Variants in UGT1A9 observed in about 807,000 individuals in gnomAD.
UGT1A9 encodes UDP-glucuronosyltransferase 1A9.
In UGT1A9, 35 loss-of-function variants were observed where a neutral mutation model predicts 45.0. The observed-to-expected ratio is 0.78, with a 90% CI of 0.59 to 1.03. The LOEUF (loss-of-function observed/expected upper bound fraction) is 1.03, where lower values mean the gene tolerates loss of function less well. Among genes scored for constraint, UGT1A9 ranks in the 50% least tolerant of loss-of-function variants. UGT1A9 has a pLI of 0.00. For synonymous variants in UGT1A9, 278 were observed against 250.6 expected, an observed-to-expected ratio of 1.11 and a Z score of -1.03; for missense variants, 687 against 666.6, an observed-to-expected ratio of 1.03 and a Z score of -0.34.
intron 1 of UGT1A9, among the ~76,000 whole-genome samples, chr2:233,677,810 A>C (rs988089619): frequency 3.9e-5 from 6 of 152,244 alleles, no homozygotes. Flanking sequence ...CATTCGACCC[A>C]GCAATCCCAT....
chr2:233,728,996 G>T, intron 1 of UGT1A9: 1 of 1,557,110 alleles, frequency 6.4e-7, no homozygotes, highest in East Asian at 2.3e-5. Context: ...TTAACTAGAG[G>T]AGGGCACTCT....
rs1377408060 is a variant in UGT1A9, at chr2:233,769,430, CTCA to C, written c.1295+993_1295+995del. Reference sequence around the variant, plus strand: ...GTGTGCGTTTGTGCATGTGGCTGTGCTCATGTGTGGGTGCACACGTGTGCATTC... The same window carrying C: ...GTGTGCGTTTGTGCATGTGGCTGTGCTGTGTGGGTGCACACGTGTGCATTC... On this transcript the variant is annotated intron_variant, in intron 4 of 4. Transcript: ENST00000354728. This position sits in a 1 kb window ranked among gnomAD's most constrained non-coding sequence, Gnocchi z 4.4. 42 of 1,537,292 alleles carry C rather than the reference CTCA, an allele frequency of 2.7e-5. No homozygotes were observed. The highest frequency in any genetic ancestry group is 3.7e-5 in the Non-Finnish European group (41 of 1,118,590).
chr2:233,751,665 G>A (rs1281035345), intron 1 of UGT1A9, among the ~76,000 whole-genome samples: 6 of 152,196 alleles, frequency 3.9e-5, no homozygotes, highest in African/African-American at 1.4e-4. Context: ...TACTGAGTGA[G>A]TTCTAATGAG....
chr2:233,718,011 C>T (rs889602207), intron 1 of UGT1A9: 3 of 401,954 alleles, frequency 7.5e-6, no homozygotes, highest in African/African-American at 6.2e-5. Flanking sequence ...TGAGGCCAGG[C>T]TCCAGCTCCC....
Position 233,772,408 on chromosome 2 carries a change from A to C in UGT1A9, c.1442A>C (p.Tyr481Ser), listed in dbSNP as rs1700517999. 1 of 1,614,210 alleles carries C rather than the reference A, an allele frequency of 6.2e-7. No individual in the cohort carries two copies. Among genetic ancestry groups the C allele is most frequent in the Non-Finnish European group, 8.5e-7 (1 of 1,180,026 alleles). ...CCCGCAGCCCACGACCTCACCTGGT[A>C]CCAGTACCATTCCTTGGACGTGATT... is the stretch of plus-strand genomic sequence containing the variant. ...LRPAAHDLTWYQYHSLDVIGF... is the reference protein window; with the variant it reads ...LRPAAHDLTWSQYHSLDVIGF... Residue 481 changes from tyrosine (Y) to serine (S), a missense_variant, in exon 5 of 5, where the codon TAC becomes TCC. Physicochemically the swap from Tyr to Ser is moderately radical, Grantham distance 144 (BLOSUM62 -2). Transcript: ENST00000354728.
chr2:233,729,743 C>T (rs748913597), intron 1 of UGT1A9: 1 of 1,613,994 alleles, frequency 6.2e-7, no homozygotes, highest in Non-Finnish European at 8.5e-7. Context: ...GACCACATGA[C>T]ATTCATGCAA....
intron 1 of UGT1A9, among the ~76,000 whole-genome samples, chr2:233,677,942 A>G (rs2074404186): frequency 6.6e-6 from 1 of 152,242 alleles, no homozygotes; most frequent in Non-Finnish European, 1.5e-5. Context: ...ACAGTGGCTT[A>G]GATGAAGAAA....
At chr2:233,723,643 A>G in intron 1 of UGT1A9, among the ~76,000 whole-genome samples, 1 of 102,338 alleles carries the variant, frequency 9.8e-6, no homozygotes, top group Non-Finnish European at 1.9e-5. Context: ...AAGTGAACAA[A>G]GGTCTCTGGT....
chr2:233,682,062 A>G lies in UGT1A9; in HGVS notation c.855+9273A>G, dbSNP rs754287322. 11 of 1,614,008 alleles carry G rather than the reference A, an allele frequency of 6.8e-6. No individual in the cohort carries two copies. In the African/African-American group the frequency reaches 1.1e-4, roughly 16 times the overall value. ...GATGGGAGCCACTGGTTCACCATGC[A>G]GTCGGTGGTGGAGAAACTCATCCTC... On this transcript the variant is annotated intron_variant, in intron 1 of 4. Transcript: ENST00000354728.
chr2:233,772,588 TG>T lies in UGT1A9; in HGVS notation c.*30del, dbSNP rs774491304. The T allele has an allele frequency of 1.9e-6, 3 of 1,604,040 alleles. No homozygotes were observed. The South Asian group carries it at 3.3e-5, about 18-fold the overall frequency. On this transcript the variant is annotated 3_prime_UTR_variant, in exon 5 of 5. Transcript: ENST00000354728. ...GTGGGTGGGAAATAAGGTAAAATTT[TG>T]AACCATTCCCTAGTCATTTCCAAAC...
intron 1 of UGT1A9, among the ~76,000 whole-genome samples, chr2:233,673,788 G>A (rs2074265390): frequency 6.6e-6 from 1 of 151,982 alleles, no homozygotes; most frequent in Admixed American, 6.6e-5. Context: ...TATGTATCTT[G>A]TATCCAGCCA....
intron 1 of UGT1A9, among the ~76,000 whole-genome samples, chr2:233,680,284 A>G (rs1253701804): frequency 6.6e-6 from 1 of 152,182 alleles, no homozygotes; most frequent in Non-Finnish European, 1.5e-5. Flanking sequence ...ACCATAAGAG[A>G]TCATTTTTTA....
At chr2:233,746,611 C>A (rs1265902828) in intron 1 of UGT1A9, among the ~76,000 whole-genome samples, 1 of 151,736 alleles carries the variant, frequency 6.6e-6, no homozygotes. Context: ...GTTCACCTGA[C>A]CCCTCCTTTC....
At chr2:233,725,207 GGCAGA>G (rs1192113071) in intron 1 of UGT1A9, among the ~76,000 whole-genome samples, 1 of 92,368 alleles carries the variant, frequency 1.1e-5, no homozygotes, top group African/African-American at 8.4e-5. Context: ...CAGAGGCAGA[GGCAGA>G]GGCAGAGGAG....
intron 1 of UGT1A9, among the ~76,000 whole-genome samples, chr2:233,744,817 A>G (rs1304703196): frequency 6.6e-6 from 1 of 151,914 alleles, no homozygotes; most frequent in East Asian, 1.9e-4. Flanking sequence ...TTCCTGGCTC[A>G]TACTTTGAGA....
chr2:233,736,247 TA>T (rs1432659624), intron 1 of UGT1A9, among the ~76,000 whole-genome samples: 1 of 152,216 alleles, frequency 6.6e-6, no homozygotes, highest in Non-Finnish European at 1.5e-5. Context: ...CTTCTCACTT[TA>T]TTTCATTAAT....
intron 1 of UGT1A9, chr2:233,744,085 T>A: frequency 2.3e-6 from 1 of 436,802 alleles, no homozygotes; most frequent in Non-Finnish European, 3.9e-6. Flanking sequence ...CATCCCAAGA[T>A]GCAGTGCTTC....
chr2:233,747,228 C>T (rs1559391943), intron 1 of UGT1A9: 2 of 1,605,178 alleles, frequency 1.2e-6, no homozygotes, highest in East Asian at 2.2e-5. Context: ...CCACAGGACC[C>T]CAGGTTCCCC....
intron 1 of UGT1A9, chr2:233,693,561 CA>C: frequency 6.2e-7 from 1 of 1,614,208 alleles, no homozygotes; most frequent in African/African-American, 1.3e-5. Context: ...AGCAGAAGCC[CA>C]GACCCTGTGT....
Sources: gnomAD v4.1 joint callset for allele counts (sites outside exome capture counted in the v4.1 genomes callset) on GRCh38, gnomAD v4.1.1 for gene constraint, Gnocchi (gnomAD v3.1) non-coding constraint, MANE v1.5 for transcripts, NCBI Gene and HGNC (gene_info 2026-07-23, HGNC 2026-07-21) for gene names.